Variants in CADM2 observed in about 807,000 individuals in gnomAD.
The protein encoded by CADM2 is immunoglobulin superfamily member 4D.
Under a neutral mutation model 49.8 loss-of-function variants are expected in CADM2, and 12 were observed. The ratio of observed to expected loss-of-function variants is 0.24; its 90% CI spans 0.15 to 0.39. CADM2 has a LOEUF of 0.39. CADM2 is among the 10% of genes least tolerant of loss of function. CADM2 has a pLI of 1.00. For missense variants in CADM2, 378 were observed against 492.3 expected (o/e 0.77, Z 2.20); for synonymous variants, 214 against 175.4 (o/e 1.22, Z -1.74).
In CADM2 at chr3:86,068,373, C is replaced by T. The variant is rs1739550773; in HGVS notation, c.*1590C>T. On this transcript the variant is annotated 3_prime_UTR_variant, in exon 10 of 10. Transcript: ENST00000383699. ...ATTTATTATATGCTAAAGAATAAAA[C>T]TCCAGTTAGATTTAAAAAAATCCCA... 1 of 151,770 alleles carries T rather than the reference C, an allele frequency of 6.6e-6. No individual in the cohort carries two copies. 9.4% of individuals were successfully genotyped at this position (151,770 alleles called of 1,614,324 possible). A position where few individuals can be genotyped will look rare whatever the true frequency, so the allele number is the denominator to read the frequency against.
chr3:85,558,145 G>A (rs2062008168), intron 1 of CADM2, among the ~76,000 whole-genome samples: 1 of 151,842 alleles, frequency 6.6e-6, no homozygotes, highest in African/African-American at 2.4e-5. Context: ...AAGGCGTTAT[G>A]TTCTCTTTGT....
At chr3:85,587,357 T>G (rs1343734171) in intron 1 of CADM2, among the ~76,000 whole-genome samples, 1 of 152,112 alleles carries the variant, frequency 6.6e-6, no homozygotes, top group Non-Finnish European at 1.5e-5. Context: ...GTAGGGTATA[T>G]TCACAAGTCA....
intron 1 of CADM2, among the ~76,000 whole-genome samples, chr3:85,076,341 T>G (rs954839887): frequency 1.3e-3 from 111 of 87,276 alleles, no homozygotes; most frequent in Non-Finnish European, 2.1e-3. Context: ...GTGTGTGTGG[T>G]GTGGTGTGCA....
chr3:86,052,672 T>C (rs1434827114), intron 8 of CADM2, among the ~76,000 whole-genome samples: 1 of 152,136 alleles, frequency 6.6e-6, no homozygotes, highest in Non-Finnish European at 1.5e-5. Context: ...CTCATTAATA[T>C]TTAAGTAAAT....
At chr3:85,248,996 T>C (rs2042714936) in intron 1 of CADM2, among the ~76,000 whole-genome samples, 1 of 152,156 alleles carries the variant, frequency 6.6e-6, no homozygotes, top group Admixed American at 6.5e-5. Flanking sequence ...ATACAAAAAA[T>C]GTTATCATCT....
At chr3:85,063,475 A>G (rs530948209) in intron 1 of CADM2, among the ~76,000 whole-genome samples, 1 of 152,174 alleles carries the variant, frequency 6.6e-6, no homozygotes, top group African/African-American at 2.4e-5. Flanking sequence ...AGACACAGAC[A>G]CAAGATAGCA....
intron 1 of CADM2, among the ~76,000 whole-genome samples, chr3:85,111,073 A>G (rs927668481): frequency 6.6e-6 from 1 of 151,890 alleles, no homozygotes. Context: ...ACATCAGATC[A>G]CTCTGGCAAA....
chr3:85,270,562 G>A (rs72919214), intron 1 of CADM2, among the ~76,000 whole-genome samples: 10,281 of 151,152 alleles, frequency 0.068, 1,143 homozygotes, highest in African/African-American at 0.23. Flanking sequence ...ATCTTGCCCT[G>A]TGTTCCATTC....
intron 7 of CADM2, among the ~76,000 whole-genome samples, chr3:85,952,878 G>A (rs1559763091): frequency 6.6e-6 from 1 of 150,754 alleles, no homozygotes; most frequent in Non-Finnish European, 1.5e-5. Flanking sequence ...TTTTCTTAAA[G>A]GAAACTGATC....
chr3:85,950,879 ATAAACT>A (rs765401182), intron 7 of CADM2, among the ~76,000 whole-genome samples: 1 of 151,142 alleles, frequency 6.6e-6, no homozygotes, highest in African/African-American at 2.4e-5. Flanking sequence ...GTATAAGTAG[ATAAACT>A]TAGAATCAGC....
At chr3:85,066,638 A>G (rs1056415178) in intron 1 of CADM2, among the ~76,000 whole-genome samples, 2 of 152,072 alleles carry the variant, frequency 1.3e-5, no homozygotes, top group Admixed American at 1.3e-4. Context: ...CATCCCATCA[A>G]AAACATCCCT....
At chr3:86,019,608 G>T (rs1732846735) in intron 8 of CADM2, among the ~76,000 whole-genome samples, 1 of 151,092 alleles carries the variant, frequency 6.6e-6, no homozygotes, top group Admixed American at 6.6e-5. Context: ...CTTGTAAGTT[G>T]GATTCCTAGG....
At chr3:85,137,290 CTT>C (rs2039441957) in intron 1 of CADM2, among the ~76,000 whole-genome samples, 1 of 151,618 alleles carries the variant, frequency 6.6e-6, no homozygotes, top group Non-Finnish European at 1.5e-5. Context: ...TTTTATAAGA[CTT>C]TGTGTCTTTT....
chr3:85,839,701 AC>A (rs1369963099), intron 3 of CADM2, among the ~76,000 whole-genome samples: 1 of 151,846 alleles, frequency 6.6e-6, no homozygotes, highest in Non-Finnish European at 1.5e-5. Flanking sequence ...AGTCAGGGTC[AC>A]CCATTTCATG....
chr3:85,296,836 T>A (rs1341398585), intron 1 of CADM2, among the ~76,000 whole-genome samples: 1 of 152,142 alleles, frequency 6.6e-6, no homozygotes, highest in Non-Finnish European at 1.5e-5. Flanking sequence ...ATCTTTTGAA[T>A]ACAAGTTGCA....
chr3:84,962,826 T>G (rs1375497985), intron 1 of CADM2, among the ~76,000 whole-genome samples: 1 of 152,186 alleles, frequency 6.6e-6, no homozygotes, highest in Admixed American at 6.5e-5. Flanking sequence ...CATTTGAACA[T>G]ATCTTCTCCA....
At chr3:85,030,095 C>T (rs1036887683) in intron 1 of CADM2, among the ~76,000 whole-genome samples, 10 of 152,170 alleles carry the variant, frequency 6.6e-5, no homozygotes, top group Admixed American at 2.6e-4. Context: ...AGGACGTAAT[C>T]GTTTCCAGAA....
intron 1 of CADM2, among the ~76,000 whole-genome samples, chr3:85,456,312 C>A (rs747530400): frequency 1.3e-5 from 2 of 152,154 alleles, no homozygotes; most frequent in Middle Eastern, 3.4e-3. Context: ...GAGCTCTGAC[C>A]CTGTATCTAC....
At chr3:86,014,952 G>C in intron 8 of CADM2, 1 of 1,431,922 alleles carries the variant, frequency 7.0e-7, no homozygotes, top group South Asian at 1.2e-5. Flanking sequence ...GCGTCTTAAA[G>C]CATATTTAAG....
Sources: gnomAD v4.1 joint callset for allele counts (sites outside exome capture counted in the v4.1 genomes callset) on GRCh38, gnomAD v4.1.1 for gene constraint, MANE v1.5 for transcripts, NCBI Gene and HGNC (gene_info 2026-07-23, HGNC 2026-07-21) for gene names.